The following POT1 variants were observed in gnomAD, a reference collection of about 807,000 sequenced individuals.
POT1 encodes protection of telomeres 1.
Under a neutral mutation model 78.5 loss-of-function variants are expected in POT1, and 47 were observed. The observed-to-expected ratio is 0.60, with a 90% CI of 0.47 to 0.76. POT1 has a LOEUF of 0.76. Among genes scored for constraint, POT1 ranks in the 30% least tolerant of loss-of-function variants. POT1 has a pLI of 0.00. For missense variants in POT1, 646 were observed against 749.9 expected, an observed-to-expected ratio of 0.86 and a Z score of 1.62; for synonymous variants, 259 against 260.7, an observed-to-expected ratio of 0.99 and a Z score of 0.06.
At chr7:124,883,223 C>G (rs763581067) in intron 6 of POT1, among the ~76,000 whole-genome samples, 2 of 151,938 alleles carry the variant, frequency 1.3e-5, no homozygotes, top group Non-Finnish European at 2.9e-5. Flanking sequence ...ACTCATCATT[C>G]AATTTGAAAA....
At chr7:124,825,210 C>T in intron 18 of POT1, 42 bp downstream of exon 18, 1 of 1,337,498 alleles carries the variant, frequency 7.5e-7, no homozygotes, top group Non-Finnish European at 1.1e-6. Context: ...AGTGCTATCT[C>T]AAGTAAAAGA....
chr7:124,906,636 TAATAAAA>T (rs890694611), intron 3 of POT1, among the ~76,000 whole-genome samples: 10 of 152,122 alleles, frequency 6.6e-5, no homozygotes, highest in Non-Finnish European at 1.0e-4. Context: ...CTTAAAAGTA[TAATAAAA>T]AATAAAAAAT....
chr7:124,888,607 T>C (rs555598676), intron 6 of POT1, among the ~76,000 whole-genome samples: 1 of 152,196 alleles, frequency 6.6e-6, no homozygotes, highest in Non-Finnish European at 1.5e-5. Flanking sequence ...TTTGTTGTAC[T>C]TTGTAATACT....
intron 12 of POT1, among the ~76,000 whole-genome samples, chr7:124,845,799 T>C (rs910826614): frequency 6.6e-6 from 1 of 152,168 alleles, no homozygotes; most frequent in African/African-American, 2.4e-5. Flanking sequence ...CCATATATTT[T>C]ATTTTTCCTT....
intron 2 of POT1, among the ~76,000 whole-genome samples, chr7:124,918,533 C>T (rs988094040): frequency 5.3e-5 from 8 of 152,108 alleles, no homozygotes; most frequent in Admixed American, 5.2e-4. Flanking sequence ...TCATGCTATA[C>T]ATTATGTCAA....
rs937047617 is a variant in POT1 at position 124,892,477 on chromosome 7, T to C, written c.10-97A>G. ...TAGCAGCAAATCCATGTAACTATTT[T>C]ATCCTTTTAAGTGTCTAAAAGAAGT... On this transcript the variant is annotated intron_variant, in intron 5 of 18. Coordinates refer to ENST00000357628, the MANE Select transcript of POT1 (RefSeq NM_015450.3). 18 of 629,352 alleles carry C rather than the reference T, an allele frequency of 2.9e-5. No homozygotes were observed. In the African/African-American group the frequency reaches 3.3e-4, roughly 11 times the overall value. 39.0% of individuals were successfully genotyped at this position (629,352 alleles called of 1,614,324 possible).
intron 3 of POT1, among the ~76,000 whole-genome samples, chr7:124,910,039 G>T (rs1796854477): frequency 6.6e-6 from 1 of 151,714 alleles, no homozygotes; most frequent in African/African-American, 2.4e-5. Flanking sequence ...GCACATACAG[G>T]CTTATCCATG....
chr7:124,875,046 T>C (rs992770818), intron 6 of POT1, among the ~76,000 whole-genome samples: 13 of 152,142 alleles, frequency 8.5e-5, no homozygotes, highest in African/African-American at 3.1e-4. Context: ...GCTCCAGTTT[T>C]AGGTTTTAAG....
chr7:124,925,933 T>C (rs1797261685), intron 2 of POT1, among the ~76,000 whole-genome samples: 2 of 152,214 alleles, frequency 1.3e-5, no homozygotes, highest in Middle Eastern at 3.4e-3. Flanking sequence ...GGAACGTATA[T>C]GTCACCATAC....
In POT1 at chr7:124,824,073, A is replaced by G. The variant is rs2116403728; in HGVS notation, c.1794T>C (p.Asp598=). 1 of 1,573,854 alleles carries G rather than the reference A, an allele frequency of 6.4e-7. No homozygotes were observed. The highest frequency in any genetic ancestry group is 8.7e-7 in the Non-Finnish European group (1 of 1,150,960). ...DMFCPPGIKI[D]AYPWLECFIK... is the part of the protein sequence containing the mutation. ...TGAAGCATTCCAACCACGGATATGC[A>G]TCTACAAAAACAAAAACAAAAAAAG... Residue 598 remains aspartate (D), a splice_region_variant and synonymous_variant, in exon 19 of 19, where the codon GAT becomes GAC. Coordinates refer to ENST00000357628, the MANE Select transcript of POT1 (RefSeq NM_015450.3).
At chr7:124,878,686 T>C (rs1470581208) in intron 6 of POT1, among the ~76,000 whole-genome samples, 2 of 152,040 alleles carry the variant, frequency 1.3e-5, no homozygotes, top group African/African-American at 2.4e-5. Context: ...AAGGGCATAG[T>C]GAAGGCGCAG....
Position 124,827,203 on chromosome 7 carries a change from C to G in POT1, c.1686+11G>C, listed in dbSNP as rs779354693. On this transcript the variant is annotated intron_variant, in intron 17 of 18. Transcript: ENST00000357628. ...TTAATTAAAAATATCTTTATTACCTCTGATACTTACAGAATCCATGAGATA... is the reference window on the plus strand; with the variant it reads ...TTAATTAAAAATATCTTTATTACCTGTGATACTTACAGAATCCATGAGATA... The G allele has an allele frequency of 7.1e-7, 1 of 1,414,262 alleles. No homozygotes were observed. Among genetic ancestry groups the G allele is most frequent in the East Asian group, 2.4e-5 (1 of 41,682 alleles). 87.6% of individuals were successfully genotyped at this position (1,414,262 alleles called of 1,614,324 possible). A position where few individuals can be genotyped will look rare whatever the true frequency, so the allele number is the denominator to read the frequency against.
intron 3 of POT1, among the ~76,000 whole-genome samples, chr7:124,904,751 C>A (rs1039474898): frequency 1.3e-5 from 2 of 152,134 alleles, no homozygotes; most frequent in Non-Finnish European, 1.5e-5. Context: ...AAAACCCCAT[C>A]GGTCTCAGCT....
rs76048386 is a variant in POT1 at position 124,911,443 on chromosome 7, C to T, written c.-154+4131G>A. 2.2e-3 allele frequency among the ~76,000 whole-genome samples: 334 copies of T among 152,138 alleles called. 4 individuals are homozygous for T. The highest frequency in any genetic ancestry group is 0.017 in the Admixed American group (259 of 15,280). Reference sequence around the variant, plus strand: ...TGTCTCTAGAATTTTTGTGCCACATCGACTAGATTAGAACTATATTTCAAT... The same window carrying T: ...TGTCTCTAGAATTTTTGTGCCACATTGACTAGATTAGAACTATATTTCAAT... On this transcript the variant is annotated intron_variant, in intron 3 of 18. Transcript: ENST00000357628.
intron 2 of POT1, among the ~76,000 whole-genome samples, chr7:124,920,131 A>G (rs1264806090): frequency 6.6e-6 from 1 of 152,194 alleles, no homozygotes; most frequent in Non-Finnish European, 1.5e-5. Flanking sequence ...GTTCAGATAA[A>G]AATCTGTACA....
At chr7:124,876,291 G>A (rs554288037) in intron 6 of POT1, among the ~76,000 whole-genome samples, 15 of 151,762 alleles carry the variant, frequency 9.9e-5, no homozygotes, top group African/African-American at 3.1e-4. Context: ...CTCTTTATTC[G>A]CACTGCTGTA....
chr7:124,881,869 A>G (rs1292796324), intron 6 of POT1, among the ~76,000 whole-genome samples: 2 of 152,046 alleles, frequency 1.3e-5, no homozygotes, highest in Admixed American at 1.3e-4. Context: ...AATAGTACAC[A>G]GTACTTATAA....
intron 7 of POT1, among the ~76,000 whole-genome samples, chr7:124,864,972 TC>T (rs1259434457): frequency 6.6e-6 from 1 of 152,244 alleles, no homozygotes; most frequent in Non-Finnish European, 1.5e-5. Context: ...TGAATATCAT[TC>T]TTTAGCATTA....
intron 6 of POT1, among the ~76,000 whole-genome samples, chr7:124,887,174 A>G (rs1796261419): frequency 6.6e-6 from 1 of 152,142 alleles, no homozygotes; most frequent in African/African-American, 2.4e-5. Context: ...TATGTTGAAC[A>G]GTATGATGGG....
Sources: allele counts gnomAD v4.1 joint callset (sites outside exome capture counted in the v4.1 genomes callset), GRCh38; gene constraint gnomAD v4.1.1; transcripts MANE v1.5; gene names NCBI Gene and HGNC (gene_info 2026-07-23, HGNC 2026-07-21).